The following SLC16A14 variants were observed in gnomAD, a reference collection of about 807,000 sequenced individuals.
SLC16A14 encodes the protein monocarboxylate transporter 14.
In SLC16A14, 14 loss-of-function variants were observed where a neutral mutation model predicts 35.8. That is an observed-to-expected ratio of 0.39 (90% CI 0.26 to 0.61). The LOEUF (loss-of-function observed/expected upper bound fraction) is 0.61, where lower values mean the gene tolerates loss of function less well. Ranked by LOEUF, SLC16A14 falls within the 20% of genes least tolerant of loss-of-function variation. SLC16A14 has a pLI of 0.51. For synonymous variants in SLC16A14, 248 were observed against 258.9 expected (o/e 0.96, Z 0.40); for missense variants, 533 against 655.0 (o/e 0.81, Z 2.03).
At chr2:230,053,715 A>G (rs1577394266) in intron 2 of SLC16A14, among the ~76,000 whole-genome samples, 1 of 152,230 alleles carries the variant, frequency 6.6e-6, no homozygotes, top group South Asian at 2.1e-4. Context: ...TGGGCAGCAG[A>G]GGTTGCAGTG....
chr2:230,066,471 A>G (rs1577404291), intron 1 of SLC16A14, among the ~76,000 whole-genome samples: 1 of 152,240 alleles, frequency 6.6e-6, no homozygotes, highest in Non-Finnish European at 1.5e-5. Flanking sequence ...GACGATGAAA[A>G]AGAAATTGTA....
intron 4 of SLC16A14, among the ~76,000 whole-genome samples, chr2:230,039,088 G>A (rs1028674879): frequency 6.6e-6 from 1 of 151,356 alleles, no homozygotes; most frequent in African/African-American, 2.4e-5. Context: ...CAGTCCCTCC[G>A]ACTTCCTGGT....
At chr2:230,061,429 G>A (rs1259839746) in intron 1 of SLC16A14, among the ~76,000 whole-genome samples, 1 of 152,154 alleles carries the variant, frequency 6.6e-6, no homozygotes, top group Non-Finnish European at 1.5e-5. Context: ...ATTTGGGAGA[G>A]GAAGCCCCTA....
rs4344928 is a variant in SLC16A14, at chr2:230,067,563, T to A, written c.-15+992A>T. Reference sequence around the variant, plus strand: ...CTCTCTCTCTCTCTCTCTCTCTCTCTCTCTCTCTCACACACACACACACAG... The same window carrying A: ...CTCTCTCTCTCTCTCTCTCTCTCTCACTCTCTCTCACACACACACACACAG... On this transcript the variant is annotated intron_variant, in intron 1 of 4. Transcript: ENST00000295190. 7.7e-3 allele frequency among the ~76,000 whole-genome samples: 376 copies of A among 48,910 alleles called. 6 individuals are homozygous for A. The highest frequency in any genetic ancestry group is 0.039 in the South Asian group (39 of 998). The allele number at this position is 48,910 out of a possible 152,430, so 32.1% of individuals were successfully genotyped here.
intron 2 of SLC16A14, among the ~76,000 whole-genome samples, chr2:230,058,740 C>A (rs2077727247): frequency 6.6e-6 from 1 of 152,088 alleles, no homozygotes; most frequent in Non-Finnish European, 1.5e-5. Flanking sequence ...TCAAGCAATT[C>A]TCCTGCTTCA....
rs1413175714 is a variant in SLC16A14, at chr2:230,036,217, A to C, written c.*1163T>G. The C allele has an allele frequency of 6.6e-6, 1 of 152,646 alleles. No individual in the cohort carries two copies. Among genetic ancestry groups the C allele is most frequent in the Non-Finnish European group, 1.5e-5 (1 of 68,034 alleles). 9.5% of individuals were successfully genotyped at this position (152,646 alleles called of 1,614,324 possible). On this transcript the variant is annotated 3_prime_UTR_variant, in exon 5 of 5. Coordinates refer to ENST00000295190, the MANE Select transcript of SLC16A14 (RefSeq NM_152527.5). ...CTTAGAAAAATAGACATCTCAGATA[A>C]AGAAAGGGCATTATTAGATGTCATG...
At chr2:230,052,461 A>G (rs4638785) in intron 2 of SLC16A14, among the ~76,000 whole-genome samples, 139,147 of 152,092 alleles carry the variant, frequency 0.91, 63,760 homozygotes, top group East Asian at 0.99. Context: ...GGGTAAAAAA[A>G]AGAAAAATGC....
chr2:230,044,736 GTA>G (rs1553818048), intron 4 of SLC16A14, among the ~76,000 whole-genome samples: 1,451 of 106,998 alleles, frequency 0.014, 24 homozygotes, highest in African/African-American at 0.045. Flanking sequence ...GTGTGTGTGT[GTA>G]TGTGTGTGTG....
At chr2:230,064,802 G>T (rs559700664) in intron 1 of SLC16A14, among the ~76,000 whole-genome samples, 6 of 152,212 alleles carry the variant, frequency 3.9e-5, no homozygotes, top group African/African-American at 1.4e-4. Context: ...CCTGAGGTCG[G>T]GAGTGTGAGA....
chr2:230,052,639 A>C (rs752921089), intron 2 of SLC16A14, among the ~76,000 whole-genome samples: 3 of 152,124 alleles, frequency 2.0e-5, no homozygotes, highest in Non-Finnish European at 4.4e-5. Context: ...AAAGGGAGAA[A>C]ATTCCAAACT....
rs13432082 is a variant in SLC16A14 at position 230,036,931 on chromosome 2, A to G, written c.*449T>C. On this transcript the variant is annotated 3_prime_UTR_variant, in exon 5 of 5. Transcript: ENST00000295190. ...CTGTAATAATTAATTTCTGAAATCT[A>G]GTCATATTCTTGTGCTTGAAACCCA... The G allele has an allele frequency of 0.33, 50,187 of 152,138 alleles. 9,364 individuals are homozygous for G. Among genetic ancestry groups the G allele is most frequent in the African/African-American group, 0.5 (20,881 of 41,442 alleles). The allele number at this position is 152,138 out of a possible 1,614,324, so 9.4% of individuals were successfully genotyped here. A position where few individuals can be genotyped will look rare whatever the true frequency, so the allele number is the denominator to read the frequency against.
intron 4 of SLC16A14, among the ~76,000 whole-genome samples, chr2:230,040,589 A>G (rs2077553650): frequency 1.3e-5 from 2 of 152,192 alleles, no homozygotes; most frequent in African/African-American, 4.8e-5. Context: ...AAGCATGTGT[A>G]AAAGCATCTC....
chr2:230,036,321 C>T lies in SLC16A14; in HGVS notation c.*1059G>A, dbSNP rs1231630386. On this transcript the variant is annotated 3_prime_UTR_variant, in exon 5 of 5. Transcript: ENST00000295190. ...TGCCACGCTCAGGCAAATGAATGGT[C>T]TATATAACAACACGAGAGTCTAGAG... is the stretch of plus-strand genomic sequence containing the variant. 2.0e-5 allele frequency: 3 copies of T among 152,174 alleles called. No individual in the cohort carries two copies. Among genetic ancestry groups the T allele is most frequent in the African/African-American group, 7.2e-5 (3 of 41,442 alleles). The allele number at this position is 152,174 out of a possible 1,614,324, so 9.4% of individuals were successfully genotyped here.
At chr2:230,040,376 C>T (rs753759316) in intron 4 of SLC16A14, among the ~76,000 whole-genome samples, 11 of 152,156 alleles carry the variant, frequency 7.2e-5, no homozygotes, top group East Asian at 3.9e-4. Context: ...GCATGCGCCA[C>T]CACACCTGGC....
Position 230,046,145 on chromosome 2 carries a change from G to A in SLC16A14, c.981C>T (p.Tyr327=), listed in dbSNP as rs2106251995. Residue 327 remains tyrosine, a synonymous_variant, in exon 4 of 5, where the codon TAC becomes TAT. Transcript: ENST00000295190. The surrounding 1 kb of genome is among the most constrained non-coding windows in gnomAD (Gnocchi z 5.0). The part of the protein sequence containing the change: ...VAFIFWALFA[Y]SSFVIPFIHL... ...GAATGAAGGGGATGACAAAGCTGCT[G>A]TATGCAAACAAAGCCCAGAAAATAA... 1 of 1,613,990 alleles carries A rather than the reference G, an allele frequency of 6.2e-7. No individual in the cohort carries two copies.
At chr2:230,045,329 A>C (rs893449891) in intron 4 of SLC16A14, among the ~76,000 whole-genome samples, 3 of 152,228 alleles carry the variant, frequency 2.0e-5, no homozygotes, top group African/African-American at 7.2e-5. Flanking sequence ...AGGCTGAGGC[A>C]GGTGGATCAC....
In SLC16A14 at chr2:230,038,417, A is replaced by G. The variant is rs188173500; in HGVS notation, c.1382-886T>C. Among the ~76,000 whole-genome samples the G allele has an allele frequency of 3.8e-4, 58 of 152,368 alleles. No individual in the cohort carries two copies. The highest frequency in any genetic ancestry group is 1.3e-3 in the African/African-American group (55 of 41,598). On this transcript the variant is annotated intron_variant, in intron 4 of 4. Coordinates refer to ENST00000295190, the MANE Select transcript of SLC16A14 (RefSeq NM_152527.5). The surrounding 1 kb of genome is among the most constrained non-coding windows in gnomAD (Gnocchi z 4.4). ...ATGAGAAAAATGTGTCTCAGAATCT[A>G]TGAAATATGTTTCCTATATTTCAGT...
Position 230,045,946 on chromosome 2 carries a change from G to A in SLC16A14, c.1180C>T (p.Leu394Phe). 6.2e-7 allele frequency: 1 copy of A among 1,613,048 alleles called. No homozygotes were observed. Among genetic ancestry groups the A allele is most frequent in the Non-Finnish European group, 8.5e-7 (1 of 1,179,036 alleles). ...VFLLANFTLV[L>F]SIFILPLMHT... ...ATCAACGGCAGAATAAAAATACTGA[G>A]GACAAGGGTGAAGTTGGCCAACAGG... The change falls in exon 4 of 5, where the codon CTC (leucine) becomes TTC (phenylalanine). Residue 394 changes from leucine (L) to phenylalanine (F), a missense_variant. Transcript: ENST00000295190.
rs1307513156 is a variant in SLC16A14 at position 230,046,098 on chromosome 2, A to G, written c.1028T>C (p.Leu343Ser). ...PFIHLPEIVN[L>S]YNLSEQNDVF... ...GTCGTTTTGCTCCGATAAGTTATACAAATTGACGATTTCTGGGAGGTGAAT... is the reference window on the plus strand; with the variant it reads ...GTCGTTTTGCTCCGATAAGTTATACGAATTGACGATTTCTGGGAGGTGAAT... The change falls in exon 4 of 5, where the codon TTG becomes TCG. Residue 343 changes from leucine (L) to serine (S), a missense_variant. Physicochemically the swap from Leu to Ser is moderately radical, Grantham distance 145. Transcript: ENST00000295190. The surrounding 1 kb of genome is among the most constrained non-coding windows in gnomAD (Gnocchi z 5.0). 4 of 1,613,958 alleles carry G rather than the reference A, an allele frequency of 2.5e-6. No individual in the cohort carries two copies. The highest frequency in any genetic ancestry group is 3.4e-6 in the Non-Finnish European group (4 of 1,179,914).
Sources: gnomAD v4.1 joint callset for allele counts (sites outside exome capture counted in the v4.1 genomes callset) on GRCh38, gnomAD v4.1.1 for gene constraint, Gnocchi (gnomAD v3.1) non-coding constraint, MANE v1.5 for transcripts, NCBI Gene and HGNC (gene_info 2026-07-23, HGNC 2026-07-21) for gene names.